Variants in FAM91A1 observed in about 807,000 individuals in gnomAD.
FAM91A1 encodes family with sequence similarity 91 member A1.
A neutral mutation model predicts 113.5 loss-of-function variants in FAM91A1; 41 were observed. The ratio of observed to expected loss-of-function variants is 0.36; its 90% confidence interval spans 0.28 to 0.47. The LOEUF is 0.47. Among genes scored for constraint, FAM91A1 ranks in the 20% least tolerant of loss-of-function variants. The pLI is 1.00. For synonymous variants in FAM91A1, 307 were observed against 347.9 expected (o/e 0.88, Z 1.31); for missense variants, 696 against 1,001.2 (o/e 0.70, Z 4.11).
In FAM91A1 at chr8:123,814,580, A is replaced by G; in HGVS notation, c.*1876A>G. Reference sequence around the variant, plus strand: ...TTTGAGAGAGAAAGGAGGAAGAAATAGAACCTAATAGTGATCATGAATTTT... The same window carrying G: ...TTTGAGAGAGAAAGGAGGAAGAAATGGAACCTAATAGTGATCATGAATTTT... On this transcript the variant is annotated 3_prime_UTR_variant, in exon 24 of 24. Coordinates refer to ENST00000334705, the MANE Select transcript of FAM91A1 (RefSeq NM_144963.4). The G allele has an allele frequency of 6.5e-6, 1 of 154,366 alleles. No homozygotes were observed. The allele number at this position is 154,366 out of a possible 1,614,324, so 9.6% of individuals were successfully genotyped here.
At chr8:123,806,689 A>G (rs1276837860) in intron 20 of FAM91A1, among the ~76,000 whole-genome samples, 2 of 152,014 alleles carry the variant, frequency 1.3e-5, no homozygotes, top group African/African-American at 4.8e-5. Context: ...AGTTCTGTGA[A>G]TTAGGCTTTA....
chr8:123,787,346 C>G lies in FAM91A1; in HGVS notation c.1164C>G (p.Ala388=). ...TCCTGTTTGACTCCACTCTTACTGC[C>G]TTCTTAATGATGGGAAATCTTTCAC... ...IAFLFDSTLT[A]FLMMGNLSPN... is the part of the protein sequence containing the mutation. Residue 388 remains alanine, a synonymous_variant, in exon 13 of 24, where the codon GCC becomes GCG. Transcript: ENST00000334705. 3 of 1,611,542 alleles carry G rather than the reference C, an allele frequency of 1.9e-6. No individual in the cohort carries two copies. Among genetic ancestry groups the G allele is most frequent in the Middle Eastern group, 2.2e-4 (1 of 4,534 alleles).
Position 123,814,029 on chromosome 8 carries a change from C to A in FAM91A1, c.*1325C>A. On this transcript the variant is annotated 3_prime_UTR_variant, in exon 24 of 24. Transcript: ENST00000334705. Reference sequence around the variant, plus strand: ...ATACTTCAGGAAATATATGCCTTTCCTAAAACTTAACCATGCATTCAATAC... The same window carrying A: ...ATACTTCAGGAAATATATGCCTTTCATAAAACTTAACCATGCATTCAATAC... The A allele has an allele frequency of 3.5e-6, 1 of 282,630 alleles. No individual in the cohort carries two copies. The highest frequency in any genetic ancestry group is 6.9e-6 in the Non-Finnish European group (1 of 145,070). The allele number at this position is 282,630 out of a possible 1,614,324, so 17.5% of individuals were successfully genotyped here.
intron 1 of FAM91A1, 31 bp from the exon 2 acceptor site, chr8:123,774,049 T>C: frequency 1.3e-6 from 2 of 1,567,754 alleles, no homozygotes; most frequent in Non-Finnish European, 1.7e-6. Context: ...AGTTTGGAAG[T>C]TGTTTAAAAT....
intron 18 of FAM91A1, among the ~76,000 whole-genome samples, chr8:123,801,581 A>G (rs1207021608): frequency 6.6e-6 from 1 of 152,226 alleles, no homozygotes; most frequent in Non-Finnish European, 1.5e-5. Flanking sequence ...AAGGAATTTA[A>G]GGATGGTGGG....
In FAM91A1 at chr8:123,813,621, A is replaced by C. The variant is rs1158617680; in HGVS notation, c.*917A>C. The C allele has an allele frequency of 1.3e-5, 2 of 152,304 alleles. No homozygotes were observed. The highest frequency in any genetic ancestry group is 4.8e-5 in the African/African-American group (2 of 41,468). The allele number at this position is 152,304 out of a possible 1,614,324, so 9.4% of individuals were successfully genotyped here. Reference sequence around the variant, plus strand: ...ATCAGAATGCTTTAGTGATAAACCTACTTTGAAGACATACTCTTAAGCAAT... The same window carrying C: ...ATCAGAATGCTTTAGTGATAAACCTCCTTTGAAGACATACTCTTAAGCAAT... On this transcript the variant is annotated 3_prime_UTR_variant, in exon 24 of 24. Coordinates refer to ENST00000334705, the MANE Select transcript of FAM91A1 (RefSeq NM_144963.4).
At chr8:123,788,915 T>C (rs2130098513) in intron 14 of FAM91A1, among the ~76,000 whole-genome samples, 1 of 152,338 alleles carries the variant, frequency 6.6e-6, no homozygotes, top group Non-Finnish European at 1.5e-5. Context: ...ATTGATTTCT[T>C]AAATGTATGC....
In FAM91A1 at chr8:123,799,825, T is replaced by C; in HGVS notation, c.1749T>C (p.Pro583=). 2 of 1,610,156 alleles carry C rather than the reference T, an allele frequency of 1.2e-6. No homozygotes were observed. The highest frequency in any genetic ancestry group is 1.7e-6 in the Non-Finnish European group (2 of 1,176,812). ...TSWGHDPGVV[P]TSNVLTMLND... is the part of the protein sequence containing the mutation. ...GGGGTCATGATCCTGGAGTAGTTCC[T>C]ACCTCAAATGTGCTCACGATGTTGA... The change falls in exon 18 of 24, where the codon CCT becomes CCC. Residue 583 remains proline (P), a synonymous_variant. Coordinates refer to ENST00000334705, the MANE Select transcript of FAM91A1 (RefSeq NM_144963.4).
chr8:123,779,487 A>C (rs1266461399), intron 6 of FAM91A1, among the ~76,000 whole-genome samples: 1 of 152,174 alleles, frequency 6.6e-6, no homozygotes, highest in Non-Finnish European at 1.5e-5. Context: ...AATGGAAATG[A>C]GTATGTGGGC....
chr8:123,781,765 G>A (rs972288929), intron 8 of FAM91A1, among the ~76,000 whole-genome samples: 3 of 152,116 alleles, frequency 2.0e-5, no homozygotes, highest in Admixed American at 6.5e-5. Context: ...GATTACAGGC[G>A]TGAGCCACCA....
chr8:123,787,633 A>G, intron 13 of FAM91A1, 31 bp from the exon 14 acceptor site: 1 of 1,550,790 alleles, frequency 6.4e-7, no homozygotes, highest in Non-Finnish European at 8.8e-7. Flanking sequence ...AGGGAGAAGT[A>G]GAACTTTAAT....
Position 123,809,014 on chromosome 8 carries a change from G to A in FAM91A1, c.2259G>A (p.Glu753=), listed in dbSNP as rs202060408. 1,293 of 1,611,920 alleles carry A rather than the reference G, an allele frequency of 8.0e-4. 2 individuals are homozygous for A. Among genetic ancestry groups the A allele is most frequent in the Non-Finnish European group, 1.0e-3 (1,236 of 1,178,624 alleles). The part of the protein sequence containing the change: ...KIAAHGLCRK[E]SLQNLLHSSR... Reference sequence around the variant, plus strand: ...CTGCACATGGCCTTTGCAGAAAAGAGAGGTGAGGGTTTATATTCGCTGTCA... The same window carrying A: ...CTGCACATGGCCTTTGCAGAAAAGAAAGGTGAGGGTTTATATTCGCTGTCA... Residue 753 remains glutamate, a splice_region_variant and synonymous_variant, in exon 22 of 24, where the codon GAG becomes GAA. Coordinates refer to ENST00000334705, the MANE Select transcript of FAM91A1 (RefSeq NM_144963.4).
intron 15 of FAM91A1, among the ~76,000 whole-genome samples, chr8:123,791,374 GT>G (rs1213283194): frequency 3.3e-5 from 5 of 151,472 alleles, no homozygotes; most frequent in South Asian, 4.2e-4. Flanking sequence ...ATAAACATTT[GT>G]TGCTTAGTAG....
At position 123,813,883 on chromosome 8, in the gene FAM91A1, A is replaced by C. The variant is rs145600490; in HGVS notation, c.*1179A>C. Reference sequence around the variant, plus strand: ...GCTAGTTTAAAACTGTAACCAAACGAACTGGTCAGACAACATATATCTAAA... The same window carrying C: ...GCTAGTTTAAAACTGTAACCAAACGCACTGGTCAGACAACATATATCTAAA... On this transcript the variant is annotated 3_prime_UTR_variant, in exon 24 of 24. Transcript: ENST00000334705. 2.0e-3 allele frequency: 354 copies of C among 176,156 alleles called. 2 individuals carry two copies. Among genetic ancestry groups the C allele is most frequent in the African/African-American group, 8.2e-3 (340 of 41,714 alleles). The allele number at this position is 176,156 out of a possible 1,614,324, so 10.9% of individuals were successfully genotyped here.
At chr8:123,806,713 T>A (rs1310708311) in intron 20 of FAM91A1, among the ~76,000 whole-genome samples, 1 of 152,138 alleles carries the variant, frequency 6.6e-6, no homozygotes, top group African/African-American at 2.4e-5. Flanking sequence ...AAGTCTCTCA[T>A]GTCCATTTCT....
rs572114790 is a variant in FAM91A1, at chr8:123,789,476, A to G, written c.1279-137A>G. 6 of 1,210,870 alleles carry G rather than the reference A, an allele frequency of 5.0e-6. No individual in the cohort carries two copies. The East Asian group carries it at 1.3e-4, about 26-fold the overall frequency. 75.0% of individuals were successfully genotyped at this position (1,210,870 alleles called of 1,614,324 possible). Reference sequence around the variant, plus strand: ...AACTCAACCAAGACTGAGGTTAATAACTTGTTTCGGTATTGCCTGGGCAAA... The same window carrying G: ...AACTCAACCAAGACTGAGGTTAATAGCTTGTTTCGGTATTGCCTGGGCAAA... On this transcript the variant is annotated intron_variant, in intron 14 of 23. Transcript: ENST00000334705.
intron 4 of FAM91A1, 58 bp downstream of exon 4, chr8:123,777,380 G>T: frequency 1.4e-6 from 2 of 1,451,554 alleles, no homozygotes; most frequent in East Asian, 4.6e-5. Flanking sequence ...TGTGCATCCT[G>T]TCATCTGTGA....
chr8:123,770,204 GC>G (rs771402973), intron 1 of FAM91A1, among the ~76,000 whole-genome samples: 8 of 152,204 alleles, frequency 5.3e-5, no homozygotes, highest in Non-Finnish European at 1.0e-4. Context: ...GCCCGTCTCG[GC>G]CTTCCAAAGT....
intron 18 of FAM91A1, among the ~76,000 whole-genome samples, chr8:123,802,708 G>C (rs767080328): frequency 1.3e-4 from 20 of 152,180 alleles, no homozygotes; most frequent in Non-Finnish European, 4.4e-5. Flanking sequence ...GTATGGGGTG[G>C]TCGTGGGAGA....
Sources: gnomAD v4.1 joint callset for allele counts (sites outside exome capture counted in the v4.1 genomes callset) on GRCh38, gnomAD v4.1.1 for gene constraint, MANE v1.5 for transcripts, NCBI Gene and HGNC (gene_info 2026-07-23, HGNC 2026-07-21) for gene names.